Variants in AURKA observed in about 807,000 individuals in gnomAD.
The protein encoded by AURKA is aurora 2.
A neutral mutation model predicts 40.9 loss-of-function variants in AURKA; 12 were observed. The ratio of observed to expected loss-of-function variants is 0.29; its 90% CI spans 0.19 to 0.48. The LOEUF (loss-of-function observed/expected upper bound fraction) is 0.48, where lower values mean the gene tolerates loss of function less well. Among genes scored for constraint, AURKA ranks in the 20% least tolerant of loss-of-function variants. AURKA has a pLI of 0.99. For synonymous variants in AURKA, 170 were observed against 164.3 expected (o/e 1.03, Z -0.26); for missense variants, 322 against 462.1 (o/e 0.70, Z 2.78).
chr20:56,379,697 C>G (rs1985430125), intron 6 of AURKA, among the ~76,000 whole-genome samples: 1 of 152,148 alleles, frequency 6.6e-6, no homozygotes, highest in South Asian at 2.1e-4. Context: ...CGTGGTGGCT[C>G]ACACCTGTAA....
chr20:56,385,365 A>C (rs1158536134), intron 3 of AURKA, among the ~76,000 whole-genome samples: 1 of 152,196 alleles, frequency 6.6e-6, no homozygotes, highest in African/African-American at 2.4e-5. Context: ...TGCTCCACAC[A>C]GAGCAGGTTA....
rs79286553 is a variant in AURKA at position 56,377,510 on chromosome 20, C to T, written c.705+3923G>A. The stretch of plus-strand genomic sequence containing the variant: ...AAACACATAAAAAGATGTTCAAGGC[C>T]GGGCGCAGTGGCTCACGCCTATAAT... On this transcript the variant is annotated intron_variant, in intron 6 of 8. Coordinates refer to ENST00000395915, the MANE Select transcript of AURKA (RefSeq NM_198437.3). Among the ~76,000 whole-genome samples, 134 of 152,196 alleles carry T rather than the reference C, an allele frequency of 8.8e-4. 2 individuals carry two copies. Among genetic ancestry groups the T allele is most frequent in the African/African-American group, 3.1e-3 (129 of 41,544 alleles).
intron 6 of AURKA, among the ~76,000 whole-genome samples, chr20:56,377,233 C>T (rs978427592): frequency 6.6e-6 from 1 of 152,152 alleles, no homozygotes; most frequent in Admixed American, 6.5e-5. Flanking sequence ...GCAGAGATCG[C>T]ACCACTGCAC....
In AURKA at chr20:56,383,252, C is replaced by T. The variant is rs1421307389; in HGVS notation, c.375-76G>A. 7 of 1,465,234 alleles carry T rather than the reference C, an allele frequency of 4.8e-6. No individual in the cohort carries two copies. The East Asian group carries it at 1.6e-4, about 33-fold the overall frequency. 90.8% of individuals were successfully genotyped at this position (1,465,234 alleles called of 1,614,324 possible). A position where few individuals can be genotyped will look rare whatever the true frequency, so the allele number is the denominator to read the frequency against. On this transcript the variant is annotated intron_variant, in intron 4 of 8. Transcript: ENST00000395915. ...ACAAATTTTCAATGAGTAGCAGACA[C>T]ATTCTACAAATAATTTCGTATTCCA...
intron 7 of AURKA, among the ~76,000 whole-genome samples, chr20:56,372,917 G>A (rs73913917): frequency 0.011 from 1,651 of 152,338 alleles, 33 homozygotes; most frequent in African/African-American, 0.038. Context: ...GACAGAGGCA[G>A]ACTGAAGAGA....
intron 6 of AURKA, among the ~76,000 whole-genome samples, chr20:56,374,705 G>A (rs1248201540): frequency 2.0e-5 from 3 of 151,920 alleles, no homozygotes; most frequent in African/African-American, 7.2e-5. Context: ...CAACGTGCTA[G>A]GATTACAGAC....
chr20:56,373,280 G>C lies in AURKA; in HGVS notation c.854+128C>G. 4.0e-6 allele frequency: 5 copies of C among 1,247,484 alleles called. No individual in the cohort carries two copies. Among genetic ancestry groups the C allele is most frequent in the Admixed American group, 1.8e-5 (1 of 55,632 alleles). The allele number at this position is 1,247,484 out of a possible 1,614,324, so 77.3% of individuals were successfully genotyped here. On this transcript the variant is annotated intron_variant, in intron 7 of 8. Transcript: ENST00000395915. This position sits in a 1 kb window ranked among gnomAD's most constrained non-coding sequence, Gnocchi z 5.0. The stretch of plus-strand genomic sequence containing the variant: ...ATTATTAAGCCTAAATTACTCCAAA[G>C]TACTTCTGGGTTAGCCACCTACCCC...
intron 6 of AURKA, among the ~76,000 whole-genome samples, chr20:56,378,700 A>T (rs569463293): frequency 2.0e-5 from 3 of 152,342 alleles, no homozygotes; most frequent in African/African-American, 7.2e-5. Flanking sequence ...ATTTTGTGAT[A>T]AACAGAAATG....
At chr20:56,376,846 G>A (rs929037778) in intron 6 of AURKA, among the ~76,000 whole-genome samples, 34 of 152,320 alleles carry the variant, frequency 2.2e-4, no homozygotes, top group African/African-American at 6.3e-4. Context: ...CTGGGAGGCC[G>A]AGGTGGGCAA....
Position 56,373,351 on chromosome 20 carries a change from C to T in AURKA, c.854+57G>A, listed in dbSNP as rs893490833. ...ACTGAAATATTTTACATTTAGCTCA[C>T]GGTTAGCTCCCAGGGCTTTGGTAAA... is the stretch of plus-strand genomic sequence containing the variant. On this transcript the variant is annotated intron_variant, in intron 7 of 8. Coordinates refer to ENST00000395915, the MANE Select transcript of AURKA (RefSeq NM_198437.3). This position sits in a 1 kb window ranked among gnomAD's most constrained non-coding sequence, Gnocchi z 5.0. The T allele has an allele frequency of 6.5e-5, 104 of 1,610,862 alleles. No homozygotes were observed. The highest frequency in any genetic ancestry group is 8.0e-5 in the Non-Finnish European group (94 of 1,178,822).
Position 56,388,069 on chromosome 20 carries a change from C to T in AURKA, c.42+87G>A, listed in dbSNP as rs574999457. The T allele has an allele frequency of 4.9e-4, 38 of 77,964 alleles. No individual in the cohort carries two copies. The East Asian group carries it at 0.013, about 26-fold the overall frequency. 4.8% of individuals were successfully genotyped at this position (77,964 alleles called of 1,614,324 possible). A position where few individuals can be genotyped will look rare whatever the true frequency, so the allele number is the denominator to read the frequency against. On this transcript the variant is annotated intron_variant, in intron 2 of 8. Transcript: ENST00000395915. The stretch of plus-strand genomic sequence containing the variant: ...ACAGTAAGGGATCTAAATTTAAATC[C>T]AAAGTAAAGGCGGAAAGAATTCCCG...
At chr20:56,379,557 T>C (rs1985412842) in intron 6 of AURKA, among the ~76,000 whole-genome samples, 1 of 152,234 alleles carries the variant, frequency 6.6e-6, no homozygotes, top group Non-Finnish European at 1.5e-5. Flanking sequence ...GCTTGGTTTC[T>C]AATAACATTC....
intron 6 of AURKA, among the ~76,000 whole-genome samples, chr20:56,375,284 T>G (rs1050151531): frequency 1.3e-5 from 2 of 151,280 alleles, no homozygotes; most frequent in Non-Finnish European, 2.9e-5. Context: ...TGTGCCACCA[T>G]GCCCAGCTAA....
chr20:56,371,233 G>T (rs935778550), intron 7 of AURKA, among the ~76,000 whole-genome samples: 1 of 152,026 alleles, frequency 6.6e-6, no homozygotes, highest in Non-Finnish European at 1.5e-5. Context: ...GAGGCCGAGG[G>T]AGGCGGATCA....
rs1323595050 is a variant in AURKA, at chr20:56,383,107, A to G, written c.444T>C (p.Tyr148=). 3 of 1,614,244 alleles carry G rather than the reference A, an allele frequency of 1.9e-6. No individual in the cohort carries two copies. The South Asian group carries it at 3.3e-5, about 18-fold the overall frequency. The change falls in exon 5 of 9, where the codon TAT becomes TAC. Residue 148 remains tyrosine (Y), a synonymous_variant. Transcript: ENST00000395915. ...PLGKGKFGNV[Y]LAREKQSKFI... is the part of the protein sequence containing the mutation. ...ACTTGCTTTGCTTTTCTCTTGCCAA[A>G]TAAACATTACCAAACTTTCCTTTAC...
Position 56,372,155 on chromosome 20 carries a change from C to T in AURKA, c.854+1253G>A, listed in dbSNP as rs548899773. Among the ~76,000 whole-genome samples, 3 of 152,192 alleles carry T rather than the reference C, an allele frequency of 2.0e-5. No individual in the cohort carries two copies. The East Asian group carries it at 5.8e-4, about 29-fold the overall frequency. Reference sequence around the variant, plus strand: ...AGCTGCTCTTCACCATGGAGGCTTACGTGGTCACAGCCCTGGTGCTGTGTT... The same window carrying T: ...AGCTGCTCTTCACCATGGAGGCTTATGTGGTCACAGCCCTGGTGCTGTGTT... On this transcript the variant is annotated intron_variant, in intron 7 of 8. Coordinates refer to ENST00000395915, the MANE Select transcript of AURKA (RefSeq NM_198437.3).
chr20:56,373,627 C>T lies in AURKA; in HGVS notation c.706-71G>A, dbSNP rs576480336. On this transcript the variant is annotated intron_variant, in intron 6 of 8. Transcript: ENST00000395915. This position sits in a 1 kb window ranked among gnomAD's most constrained non-coding sequence, Gnocchi z 5.0. ...ACAAGTTAATATTAGACATCTCTTC[C>T]GAAAGGAACACAACATAGATTTAAC... 3.4e-5 allele frequency: 53 copies of T among 1,548,974 alleles called. No homozygotes were observed. The South Asian group carries it at 5.4e-4, about 16-fold the overall frequency.
At chr20:56,384,169 A>G (rs1418876411) in intron 4 of AURKA, 101 bp downstream of exon 4, 2 of 849,562 alleles carry the variant, frequency 2.4e-6, no homozygotes, top group East Asian at 5.0e-5. Context: ...AAATGCAAAT[A>G]AAGGCCTCAT....
chr20:56,371,237 C>A (rs193098864), intron 7 of AURKA, among the ~76,000 whole-genome samples: 1 of 151,980 alleles, frequency 6.6e-6, no homozygotes, highest in Non-Finnish European at 1.5e-5. Flanking sequence ...CCGAGGGAGG[C>A]GGATCACGAG....
Sources: gnomAD v4.1 joint callset for allele counts (sites outside exome capture counted in the v4.1 genomes callset) on GRCh38, gnomAD v4.1.1 for gene constraint, Gnocchi (gnomAD v3.1) non-coding constraint, MANE v1.5 for transcripts, NCBI Gene and HGNC (gene_info 2026-07-23, HGNC 2026-07-21) for gene names.